ZC3H14: variants seen among roughly 807,000 people sequenced by gnomAD.
The protein encoded by ZC3H14 is zinc finger CCCH-type containing 14, also known as zinc finger CCCH domain-containing protein 14.
Under a neutral mutation model 92.4 loss-of-function variants are expected in ZC3H14, and 31 were observed. The ratio of observed to expected loss-of-function variants is 0.34; its 90% CI spans 0.25 to 0.45. The LOEUF (loss-of-function observed/expected upper bound fraction) is 0.45, where lower values mean the gene tolerates loss of function less well. ZC3H14 is among the 20% of genes least tolerant of loss of function. The pLI is 1.00. For missense variants in ZC3H14, 781 were observed against 897.3 expected, an observed-to-expected ratio of 0.87 and a Z score of 1.66; for synonymous variants, 321 against 300.9, an observed-to-expected ratio of 1.07 and a Z score of -0.69.
rs989679551 is a variant in ZC3H14 at position 88,623,420 on chromosome 14, T to G, written c.*11669T>G. 6.6e-6 allele frequency: 1 copy of G among 151,474 alleles called. No individual in the cohort carries two copies. Among genetic ancestry groups the G allele is most frequent in the Non-Finnish European group, 1.5e-5 (1 of 67,866 alleles). The allele number at this position is 151,474 out of a possible 1,614,324, so 9.4% of individuals were successfully genotyped here. On this transcript the variant is annotated 3_prime_UTR_variant, in exon 17 of 17. Coordinates refer to ENST00000251038, the MANE Select transcript of ZC3H14 (RefSeq NM_024824.5). ...GAATTACAAATGCTATGCTACAGAGTTGATTTATTTATTTTTTTGAGACAG... is the reference window on the plus strand; with the variant it reads ...GAATTACAAATGCTATGCTACAGAGGTGATTTATTTATTTTTTTGAGACAG...
intron 2 of ZC3H14, 112 bp downstream of exon 2, chr14:88,563,805 T>TAC: frequency 9.5e-7 from 1 of 1,048,398 alleles, no homozygotes; most frequent in Non-Finnish European, 1.5e-6. Flanking sequence ...GACTCCCTTC[T>TAC]ACCTTCTTCA....
At chr14:88,570,953 TTAAAAATAA>T (rs757102667) in intron 3 of ZC3H14, 122 bp from the exon 4 acceptor site, 2 of 687,046 alleles carry the variant, frequency 2.9e-6, no homozygotes, top group Non-Finnish European at 4.2e-6. Flanking sequence ...CCATCTCTAT[TTAAAAATAA>T]TAAAAATATA....
In ZC3H14 at chr14:88,621,577, T is replaced by C; in HGVS notation, c.*9826T>C. 2.2e-6 allele frequency: 1 copy of C among 457,366 alleles called. No individual in the cohort carries two copies. The highest frequency in any genetic ancestry group is 3.9e-6 in the Non-Finnish European group (1 of 257,400). 28.3% of individuals were successfully genotyped at this position (457,366 alleles called of 1,614,324 possible). Reference sequence around the variant, plus strand: ...TGGATTCTTCAATAATCAAAGTTTTTATTTGATAATCTTAGGATTTCCAAA... The same window carrying C: ...TGGATTCTTCAATAATCAAAGTTTTCATTTGATAATCTTAGGATTTCCAAA... On this transcript the variant is annotated 3_prime_UTR_variant, in exon 17 of 17. Transcript: ENST00000251038.
At chr14:88,607,945 A>C (rs1433464255) in intron 13 of ZC3H14, among the ~76,000 whole-genome samples, 3 of 33,754 alleles carry the variant, frequency 8.9e-5, no homozygotes, top group Non-Finnish European at 1.5e-4. Flanking sequence ...CCCCCATCTC[A>C]CCCTGCAATT....
At position 88,575,825 on chromosome 14, in the gene ZC3H14, TC is replaced by T; in HGVS notation, c.1023-14del. On this transcript the variant is annotated splice_polypyrimidine_tract_variant and intron_variant, in intron 7 of 16. Coordinates refer to ENST00000251038, the MANE Select transcript of ZC3H14 (RefSeq NM_024824.5). ...ATTTAAAGTTTAATAAAAATACCTT[TC>T]TTAACTCTTTTAGACCTTCTCTTCC... 6.2e-7 allele frequency: 1 copy of T among 1,602,108 alleles called. No homozygotes were observed. Among genetic ancestry groups the T allele is most frequent in the South Asian group, 1.1e-5 (1 of 90,790 alleles).
chr14:88,610,473 CT>C (rs2086430354), intron 15 of ZC3H14, among the ~76,000 whole-genome samples: 1 of 152,012 alleles, frequency 6.6e-6, no homozygotes, highest in South Asian at 2.1e-4. Context: ...ATCTCTTACT[CT>C]GTTAATGGTT....
intron 13 of ZC3H14, 70 bp from the exon 14 acceptor site, chr14:88,609,196 GC>G: frequency 6.3e-7 from 1 of 1,593,826 alleles, no homozygotes. Context: ...AGTGTAAAGA[GC>G]CCTTATACAC....
Position 88,622,438 on chromosome 14 carries a change from T to C in ZC3H14, c.*10687T>C. 1 of 489,826 alleles carries C rather than the reference T, an allele frequency of 2.0e-6. No homozygotes were observed. The highest frequency in any genetic ancestry group is 3.5e-6 in the Non-Finnish European group (1 of 286,846). The allele number at this position is 489,826 out of a possible 1,614,324, so 30.3% of individuals were successfully genotyped here. ...CTTCCTAGCTTATGCACCACACTGG[T>C]GCTAACTTTGGCAAAGAAAGCAGCA... On this transcript the variant is annotated 3_prime_UTR_variant, in exon 17 of 17. Coordinates refer to ENST00000251038, the MANE Select transcript of ZC3H14 (RefSeq NM_024824.5).
At chr14:88,600,572 G>A (rs896978383) in intron 10 of ZC3H14, among the ~76,000 whole-genome samples, 2 of 151,858 alleles carry the variant, frequency 1.3e-5, no homozygotes, top group Non-Finnish European at 2.9e-5. Flanking sequence ...CTCCCAAGTA[G>A]CTGGGACTGC....
chr14:88,608,802 CTTCT>C (rs1475434150), intron 13 of ZC3H14: 3 of 162,488 alleles, frequency 1.8e-5, no homozygotes, highest in Non-Finnish European at 2.7e-5. Context: ...CTTTTTGGGG[CTTCT>C]TTTTTTTGCC....
rs2089879062 is a variant in ZC3H14 at position 88,625,953 on chromosome 14, A to AATC, written c.*14203_*14204insTCA. 1 of 152,202 alleles carries AATC rather than the reference A, an allele frequency of 6.6e-6. No homozygotes were observed. Among genetic ancestry groups the AATC allele is most frequent in the Non-Finnish European group, 1.5e-5 (1 of 68,042 alleles). The allele number at this position is 152,202 out of a possible 1,614,324, so 9.4% of individuals were successfully genotyped here. A position where few individuals can be genotyped will look rare whatever the true frequency, so the allele number is the denominator to read the frequency against. ...ATTAAAGGAAAGAGATGTGGATTGG[A>AATC]AGCCACAGGTCCAGATGAGATGGAA... On this transcript the variant is annotated 3_prime_UTR_variant, in exon 17 of 17. Transcript: ENST00000251038.
chr14:88,622,766 A>G lies in ZC3H14; in HGVS notation c.*11015A>G. 7.5e-7 allele frequency: 1 copy of G among 1,337,576 alleles called. No individual in the cohort carries two copies. Among genetic ancestry groups the G allele is most frequent in the Admixed American group, 2.5e-5 (1 of 40,698 alleles). The allele number at this position is 1,337,576 out of a possible 1,614,324, so 82.9% of individuals were successfully genotyped here. Reference sequence around the variant, plus strand: ...GTAAGTGTTCATTATTGGCTACTATAATTTTTATTATAAACAAATACCAAG... The same window carrying G: ...GTAAGTGTTCATTATTGGCTACTATGATTTTTATTATAAACAAATACCAAG... On this transcript the variant is annotated 3_prime_UTR_variant, in exon 17 of 17. Coordinates refer to ENST00000251038, the MANE Select transcript of ZC3H14 (RefSeq NM_024824.5).
chr14:88,606,355 G>A (rs1451945952), intron 12 of ZC3H14, among the ~76,000 whole-genome samples: 1 of 152,070 alleles, frequency 6.6e-6, no homozygotes, highest in Admixed American at 6.6e-5. Flanking sequence ...GCTGCTCCCC[G>A]TCTGTCCCTT....
chr14:88,570,619 A>G (rs1354083209), intron 3 of ZC3H14, among the ~76,000 whole-genome samples: 1 of 152,220 alleles, frequency 6.6e-6, no homozygotes, highest in African/African-American at 2.4e-5. Context: ...AATCTTTAGT[A>G]CTTACAAACA....
intron 9 of ZC3H14, chr14:88,595,010 A>G (rs747135007): frequency 1.2e-6 from 2 of 1,613,908 alleles, no homozygotes; most frequent in Non-Finnish European, 8.5e-7. Context: ...TCAACAACAT[A>G]TGAATGCAAC....
chr14:88,607,166 A>G, intron 12 of ZC3H14, 77 bp from the exon 13 acceptor site: 5 of 1,606,030 alleles, frequency 3.1e-6, no homozygotes, highest in Non-Finnish European at 4.3e-6. Context: ...GACAGGTTTG[A>G]GGGAAATATG....
At chr14:88,599,823 G>T (rs2084356049) in intron 10 of ZC3H14, among the ~76,000 whole-genome samples, 1 of 152,196 alleles carries the variant, frequency 6.6e-6, no homozygotes, top group Admixed American at 6.5e-5. Context: ...GAGTGAAGCA[G>T]CCCCTGGGCC....
intron 10 of ZC3H14, among the ~76,000 whole-genome samples, chr14:88,600,772 T>A (rs937065994): frequency 2.6e-5 from 4 of 152,168 alleles, no homozygotes; most frequent in Non-Finnish European, 5.9e-5. Context: ...TTACTAATTA[T>A]AGACCAGAAT....
At chr14:88,606,768 AAAGT>A (rs1483549061) in intron 12 of ZC3H14, among the ~76,000 whole-genome samples, 1 of 151,492 alleles carries the variant, frequency 6.6e-6, no homozygotes, top group Non-Finnish European at 1.5e-5. Context: ...AAAAAAAAAA[AAAGT>A]AAAAGACATT....
Sources: allele counts gnomAD v4.1 joint callset (sites outside exome capture counted in the v4.1 genomes callset), GRCh38; gene constraint gnomAD v4.1.1; transcripts MANE v1.5; gene names NCBI Gene and HGNC (gene_info 2026-07-23, HGNC 2026-07-21).